RHOBTB1: variants seen among roughly 807,000 people sequenced by gnomAD.
RHOBTB1 encodes the protein Rho related BTB domain containing 1.
In RHOBTB1, 40 loss-of-function variants were observed where a neutral mutation model predicts 71.6. The ratio of observed to expected loss-of-function variants is 0.56; its 90% confidence interval spans 0.43 to 0.73. The LOEUF (loss-of-function observed/expected upper bound fraction) is 0.73, where lower values mean the gene tolerates loss of function less well. Ranked by LOEUF, RHOBTB1 falls within the 30% of genes least tolerant of loss-of-function variation. The probability of loss-of-function intolerance (pLI) is 0.00; values close to 1 mark genes in which losing one functional copy is unlikely to be tolerated. For missense variants in RHOBTB1, 797 were observed against 894.0 expected, an observed-to-expected ratio of 0.89 and a Z score of 1.38; for synonymous variants, 319 against 334.9, an observed-to-expected ratio of 0.95 and a Z score of 0.52.
At chr10:60,970,684 T>A (rs2086122265) in intron 2 of RHOBTB1, among the ~76,000 whole-genome samples, 1 of 152,098 alleles carries the variant, frequency 6.6e-6, no homozygotes, top group African/African-American at 2.4e-5. Context: ...AAATACTTTT[T>A]AACAGTTCCG....
At chr10:60,963,465 A>C (rs2085855005) in intron 2 of RHOBTB1, among the ~76,000 whole-genome samples, 1 of 152,142 alleles carries the variant, frequency 6.6e-6, no homozygotes, top group South Asian at 2.1e-4. Flanking sequence ...TTTGCATAAA[A>C]ATGTTTCTCA....
At chr10:60,884,358 C>T (rs1247215336) in intron 7 of RHOBTB1, among the ~76,000 whole-genome samples, 1 of 152,184 alleles carries the variant, frequency 6.6e-6, no homozygotes, top group Non-Finnish European at 1.5e-5. Flanking sequence ...AAACAAGCCT[C>T]TTAGGACAAT....
chr10:60,907,747 C>G (rs1183395467), intron 4 of RHOBTB1, among the ~76,000 whole-genome samples: 1 of 152,112 alleles, frequency 6.6e-6, no homozygotes, highest in African/African-American at 2.4e-5. Context: ...TTGCACAAAT[C>G]CAAAAGAGCA....
At chr10:60,986,975 C>T (rs2086688967) in intron 1 of RHOBTB1, among the ~76,000 whole-genome samples, 1 of 152,112 alleles carries the variant, frequency 6.6e-6, no homozygotes, top group Non-Finnish European at 1.5e-5. Context: ...CCGGTGGCTC[C>T]AGGCCAGTTG....
chr10:60,889,124 C>T lies in RHOBTB1; in HGVS notation c.544G>A (p.Gly182Ser). ...EKGREVAKEL[G>S]LPYYETSVFD... ...ACGCTTGTTTCATAGTATGGTAAGC[C>T]AAGTTCCTTTGCTACCTCTCGGCCT... Residue 182 changes from glycine (G) to serine (S), a missense_variant, in exon 6 of 11, where the codon GGC becomes AGC. Transcript: ENST00000337910. 2.5e-6 allele frequency: 4 copies of T among 1,614,074 alleles called. No homozygotes were observed. Among genetic ancestry groups the T allele is most frequent in the Non-Finnish European group, 3.4e-6 (4 of 1,179,972 alleles).
chr10:60,912,192 T>C (rs772924029), intron 2 of RHOBTB1, among the ~76,000 whole-genome samples: 2,435 of 151,946 alleles, frequency 0.016, 29 homozygotes, highest in South Asian at 0.036. Flanking sequence ...CATAAATATA[T>C]ATGTGTGTGT....
intron 1 of RHOBTB1, among the ~76,000 whole-genome samples, chr10:60,990,271 C>A (rs1284390969): frequency 1.3e-5 from 2 of 152,120 alleles, no homozygotes; most frequent in Non-Finnish European, 2.9e-5. Flanking sequence ...GCGTCAGCCA[C>A]CGTGCCCGGC....
At chr10:60,920,390 G>C (rs2083491141) in intron 2 of RHOBTB1, among the ~76,000 whole-genome samples, 1 of 152,096 alleles carries the variant, frequency 6.6e-6, no homozygotes, top group Admixed American at 6.5e-5. Flanking sequence ...TGTCTGAAGA[G>C]GCCTCATTCC....
At chr10:60,882,956 C>T (rs2081393331) in intron 7 of RHOBTB1, among the ~76,000 whole-genome samples, 1 of 152,182 alleles carries the variant, frequency 6.6e-6, no homozygotes. Context: ...TTACACATGT[C>T]CTCTCATGCC....
chr10:60,980,165 T>C (rs1050236299), intron 2 of RHOBTB1, among the ~76,000 whole-genome samples: 5 of 152,194 alleles, frequency 3.3e-5, no homozygotes, highest in Non-Finnish European at 7.4e-5. Context: ...AAATTAATAG[T>C]TCAACTCTCC....
chr10:60,903,830 T>C (rs2082530373), intron 4 of RHOBTB1, among the ~76,000 whole-genome samples: 1 of 152,236 alleles, frequency 6.6e-6, no homozygotes, highest in African/African-American at 2.4e-5. Context: ...TTCCATTTTT[T>C]TAAGTTCACA....
In RHOBTB1 at chr10:60,909,940, G is replaced by C. The variant is rs76759711; in HGVS notation, c.296+947C>G. Reference sequence around the variant, plus strand: ...GCCACTTAGATAAATGACAATAAAAGTCCGTTCAAAGAGCTACTGGCTTGT... The same window carrying C: ...GCCACTTAGATAAATGACAATAAAACTCCGTTCAAAGAGCTACTGGCTTGT... On this transcript the variant is annotated intron_variant, in intron 4 of 10. Transcript: ENST00000337910. Among the ~76,000 whole-genome samples the C allele has an allele frequency of 6.6e-4, 101 of 152,230 alleles. No homozygotes were observed. The East Asian group carries it at 0.019, about 28-fold the overall frequency.
At chr10:60,922,519 C>T (rs1435515348) in intron 2 of RHOBTB1, among the ~76,000 whole-genome samples, 1 of 152,192 alleles carries the variant, frequency 6.6e-6, no homozygotes, top group Non-Finnish European at 1.5e-5. Context: ...AATGATAACA[C>T]CACTGATGAC....
At chr10:60,914,435 G>C (rs1025177643) in intron 2 of RHOBTB1, among the ~76,000 whole-genome samples, 7 of 152,128 alleles carry the variant, frequency 4.6e-5, no homozygotes, top group South Asian at 2.1e-4. Flanking sequence ...GTCCTCAGTG[G>C]TGGGAAACCT....
intron 1 of RHOBTB1, among the ~76,000 whole-genome samples, chr10:60,998,578 A>C (rs746116673): frequency 2.8e-4 from 43 of 152,200 alleles, no homozygotes; most frequent in Non-Finnish European, 5.7e-4. Flanking sequence ...GAGGAAGTGC[A>C]ATTTACTTAG....
At chr10:60,991,888 G>C (rs1028497530) in intron 1 of RHOBTB1, among the ~76,000 whole-genome samples, 4 of 152,180 alleles carry the variant, frequency 2.6e-5, no homozygotes, top group Non-Finnish European at 5.9e-5. Flanking sequence ...ACTTAGAAGA[G>C]TTTCGGTTCC....
chr10:60,954,590 T>C (rs1018677045), intron 2 of RHOBTB1, among the ~76,000 whole-genome samples: 4 of 152,128 alleles, frequency 2.6e-5, no homozygotes, highest in Non-Finnish European at 5.9e-5. Context: ...TACCAAGAGA[T>C]TATTCAGTTT....
At chr10:60,880,241 CAG>C (rs2081266523) in intron 7 of RHOBTB1, among the ~76,000 whole-genome samples, 1 of 91,728 alleles carries the variant, frequency 1.1e-5, no homozygotes, top group African/African-American at 4.4e-5. Context: ...GAGAGAGAGA[CAG>C]AGTGAGAGAG....
At chr10:60,874,844 G>A (rs2080966374) in intron 9 of RHOBTB1, 110 bp downstream of exon 9, 1 of 770,046 alleles carries the variant, frequency 1.3e-6, no homozygotes, top group Non-Finnish European at 2.3e-6. Context: ...GGGACTCTGT[G>A]ACTCAGTGGT....
Sources: allele counts gnomAD v4.1 joint callset (sites outside exome capture counted in the v4.1 genomes callset), GRCh38; gene constraint gnomAD v4.1.1; transcripts MANE v1.5; gene names NCBI Gene and HGNC (gene_info 2026-07-23, HGNC 2026-07-21).